The following CSMD1 variants were observed in gnomAD, a reference collection of about 807,000 sequenced individuals.
CSMD1 encodes CUB and sushi domain-containing protein 1.
In CSMD1, 213 loss-of-function variants were observed where a neutral mutation model predicts 417.5. That is an observed-to-expected ratio of 0.51 (90% confidence interval 0.46 to 0.57). The LOEUF (loss-of-function observed/expected upper bound fraction) is 0.57. CSMD1 is among the 20% of genes least tolerant of loss of function. The pLI is 0.00. For synonymous variants in CSMD1, 2,862 were observed against 1,736.8 expected (o/e 1.65, Z -16.11); for missense variants, 6,923 against 4,529.7 (o/e 1.53, Z -15.17).
chr8:4,415,892 T>C (rs899939631), intron 3 of CSMD1, among the ~76,000 whole-genome samples: 2 of 152,198 alleles, frequency 1.3e-5, no homozygotes, highest in African/African-American at 4.8e-5. Context: ...TGTATAAGGA[T>C]TGCAACTTCT....
intron 12 of CSMD1, among the ~76,000 whole-genome samples, chr8:3,418,546 C>A (rs575660611): frequency 6.6e-6 from 1 of 151,996 alleles, no homozygotes; most frequent in African/African-American, 2.4e-5. Flanking sequence ...TCTAGTAACC[C>A]GATTTGGGTA....
intron 5 of CSMD1, among the ~76,000 whole-genome samples, chr8:3,795,461 A>C (rs866490652): frequency 1.2e-4 from 2 of 16,706 alleles, no homozygotes; most frequent in East Asian, 2.0e-3. Flanking sequence ...AGATATAGAT[A>C]TATATCTATC....
chr8:3,321,593 T>A (rs79792793), intron 23 of CSMD1, among the ~76,000 whole-genome samples: 1 of 152,116 alleles, frequency 6.6e-6, no homozygotes, highest in African/African-American at 2.4e-5. Flanking sequence ...AGAACATGCA[T>A]TGTTTACTGT....
intron 30 of CSMD1, among the ~76,000 whole-genome samples, chr8:3,213,566 TAAGG>T (rs1007732848): frequency 6.6e-6 from 1 of 152,120 alleles, no homozygotes; most frequent in African/African-American, 2.4e-5. Context: ...ATTTCATTCC[TAAGG>T]AATTACAAAC....
chr8:3,639,120 A>C (rs1445577975), intron 7 of CSMD1, among the ~76,000 whole-genome samples: 1 of 152,214 alleles, frequency 6.6e-6, no homozygotes, highest in East Asian at 1.9e-4. Flanking sequence ...TCATTCTAGC[A>C]AAAGATTTTC....
intron 3 of CSMD1, among the ~76,000 whole-genome samples, chr8:4,276,017 T>C (rs1245670291): frequency 6.6e-6 from 1 of 152,154 alleles, no homozygotes; most frequent in Non-Finnish European, 1.5e-5. Context: ...TTTTACAATG[T>C]TGGTGGGAGT....
chr8:4,962,112 T>G (rs558693751), intron 1 of CSMD1, among the ~76,000 whole-genome samples: 1 of 68,326 alleles, frequency 1.5e-5, no homozygotes, highest in South Asian at 4.5e-4. Flanking sequence ...TATTTTTTTG[T>G]TGTTTTTTTT....
intron 3 of CSMD1, among the ~76,000 whole-genome samples, chr8:4,136,386 T>C (rs1803437281): frequency 6.6e-6 from 1 of 152,184 alleles, no homozygotes; most frequent in Non-Finnish European, 1.5e-5. Flanking sequence ...TGCCTGCAAC[T>C]TGACTGGAGG....
At chr8:3,865,214 A>G (rs897445592) in intron 5 of CSMD1, among the ~76,000 whole-genome samples, 6 of 152,244 alleles carry the variant, frequency 3.9e-5, no homozygotes, top group African/African-American at 7.2e-5. Flanking sequence ...AATGACAGAC[A>G]TAAGTCATCA....
chr8:4,308,989 C>A (rs139231385), intron 3 of CSMD1, among the ~76,000 whole-genome samples: 2 of 152,126 alleles, frequency 1.3e-5, no homozygotes, highest in Admixed American at 1.3e-4. Context: ...TGAACTAATT[C>A]CTAAAACTAG....
At chr8:4,353,594 C>T (rs1584945501) in intron 3 of CSMD1, among the ~76,000 whole-genome samples, 1 of 151,868 alleles carries the variant, frequency 6.6e-6, no homozygotes, top group Non-Finnish European at 1.5e-5. Context: ...TATCCTGAAG[C>T]ACATGCATAA....
rs1460909676 is a variant in CSMD1 at position 3,729,944 on chromosome 8, AAAAAAAAAAAAAAAAAAC to A, written c.932-21471_932-21454del. On this transcript the variant is annotated intron_variant, in intron 6 of 69. Coordinates refer to ENST00000635120, the MANE Select transcript of CSMD1 (RefSeq NM_033225.6). ...AAGTAAAAAAAAAAAAAAAAAAAAAAAAAAAAAAAAAAAAAAACAAAAACAGAAGAACGGATACATAAT... is the reference window on the plus strand; with the variant it reads ...AAGTAAAAAAAAAAAAAAAAAAAAAAAAAAACAGAAGAACGGATACATAAT... Among the ~76,000 whole-genome samples, 127 of 18,204 alleles carry A rather than the reference AAAAAAAAAAAAAAAAAAC, an allele frequency of 7.0e-3. 10 individuals carry two copies. The highest frequency in any genetic ancestry group is 0.039 in the Non-Finnish European group (81 of 2,064). The allele number at this position is 18,204 out of a possible 152,430, so 11.9% of individuals were successfully genotyped here.
intron 1 of CSMD1, among the ~76,000 whole-genome samples, chr8:4,806,232 T>C (rs768716394): frequency 2.0e-5 from 3 of 152,284 alleles, no homozygotes; most frequent in Non-Finnish European, 2.9e-5. Flanking sequence ...TTCAAACCTA[T>C]AGCTTACTGA....
rs374811285 is a variant in CSMD1 at position 4,703,498 on chromosome 8, T to C, written c.86-65940A>G. 2.0e-5 allele frequency among the ~76,000 whole-genome samples: 3 copies of C among 152,178 alleles called. No homozygotes were observed. In the East Asian group the frequency reaches 5.8e-4, roughly 29 times the overall value. On this transcript the variant is annotated intron_variant, in intron 1 of 69. Coordinates refer to ENST00000635120, the MANE Select transcript of CSMD1 (RefSeq NM_033225.6). ...AATTTGTAATTATTTAAAACATGTA[T>C]ACTTCATGAAAGTTATAAAATTGAT... is the stretch of plus-strand genomic sequence containing the variant.
intron 5 of CSMD1, among the ~76,000 whole-genome samples, chr8:3,807,172 C>T (rs1293144961): frequency 6.6e-6 from 1 of 152,126 alleles, no homozygotes; most frequent in South Asian, 2.1e-4. Flanking sequence ...TTAATTTTCT[C>T]TTGTGACCTT....
At chr8:3,728,958 T>G (rs1802655159) in intron 6 of CSMD1, among the ~76,000 whole-genome samples, 1 of 152,208 alleles carries the variant, frequency 6.6e-6, no homozygotes, top group Non-Finnish European at 1.5e-5. Flanking sequence ...TGAGTGCCGT[T>G]CGAATATCTG....
At chr8:4,310,761 C>G (rs1328363203) in intron 3 of CSMD1, among the ~76,000 whole-genome samples, 1 of 152,140 alleles carries the variant, frequency 6.6e-6, no homozygotes, top group African/African-American at 2.4e-5. Context: ...GAGAGGGAGA[C>G]TGTGTCCATA....
At chr8:3,811,823 G>C (rs942771251) in intron 5 of CSMD1, among the ~76,000 whole-genome samples, 1 of 152,106 alleles carries the variant, frequency 6.6e-6, no homozygotes, top group Non-Finnish European at 1.5e-5. Flanking sequence ...CAACTTTAAG[G>C]GTGTTCATCT....
chr8:4,717,288 T>G (rs1463957861), intron 1 of CSMD1, among the ~76,000 whole-genome samples: 1 of 144,928 alleles, frequency 6.9e-6, no homozygotes, highest in Non-Finnish European at 1.5e-5. Context: ...TCTCTGACCC[T>G]GCCCTTCTCT....
Sources: allele counts gnomAD v4.1 joint callset (sites outside exome capture counted in the v4.1 genomes callset), GRCh38; gene constraint gnomAD v4.1.1; transcripts MANE v1.5; gene names NCBI Gene and HGNC (gene_info 2026-07-23, HGNC 2026-07-21).